Variants in DRD3 observed in about 807,000 individuals in gnomAD.
The protein encoded by DRD3 is dopamine receptor D3, also known as D(3) dopamine receptor.
DRD3 carries 19 observed loss-of-function variants against 36.3 expected under a neutral mutation model. The observed-to-expected ratio is 0.52, with a 90% CI of 0.36 to 0.77. The LOEUF (loss-of-function observed/expected upper bound fraction) is 0.77. DRD3 is among the 30% of genes least tolerant of loss of function. The pLI is 0.00. For synonymous variants in DRD3, 195 were observed against 203.7 expected (o/e 0.96, Z 0.36); for missense variants, 465 against 505.3 (o/e 0.92, Z 0.77).
Position 114,158,332 on chromosome 3 carries a change from A to G in DRD3, c.383+1423T>C, listed in dbSNP as rs75512569. Among the ~76,000 whole-genome samples the G allele has an allele frequency of 6.9e-3, 1,050 of 152,206 alleles. 11 individuals carry two copies. The highest frequency in any genetic ancestry group is 0.011 in the Non-Finnish European group (716 of 68,012). On this transcript the variant is annotated intron_variant, in intron 3 of 6. Coordinates refer to ENST00000383673, the MANE Select transcript of DRD3 (RefSeq NM_000796.6). ...ACATTGAATTACACACTTTGAGTGG[A>G]TGAATTGTGTGGTATGTGAGTTATA...
chr3:114,145,724 A>G (rs185728859), intron 4 of DRD3, among the ~76,000 whole-genome samples: 1 of 152,334 alleles, frequency 6.6e-6, no homozygotes, highest in East Asian at 1.9e-4. Context: ...GAAAATCTGA[A>G]TCACATGTAA....
At position 114,136,320 on chromosome 3, in the gene DRD3, A is replaced by AT. The variant is rs1256596135; in HGVS notation, c.723+3179dup. ...AATTCAGTCCTATAGTAGGAAAATGATTCTTCCAAGATTATATATTGGTGA... is the reference window on the plus strand; with the variant it reads ...AATTCAGTCCTATAGTAGGAAAATGATTTCTTCCAAGATTATATATTGGTGA... On this transcript the variant is annotated intron_variant, in intron 5 of 6. Coordinates refer to ENST00000383673, the MANE Select transcript of DRD3 (RefSeq NM_000796.6). Among the ~76,000 whole-genome samples, 5 of 152,262 alleles carry AT rather than the reference A, an allele frequency of 3.3e-5. No individual in the cohort carries two copies. The East Asian group carries it at 9.6e-4, about 29-fold the overall frequency.
At chr3:114,161,900 T>C (rs554166843) in intron 2 of DRD3, among the ~76,000 whole-genome samples, 76 of 152,340 alleles carry the variant, frequency 5.0e-4, no homozygotes, top group African/African-American at 1.8e-3. Context: ...ATGTTTTAAA[T>C]TGGGTAAAAA....
upstream of DRD3, among the ~76,000 whole-genome samples, chr3:114,182,525 C>T (rs2077953573): frequency 1.3e-5 from 2 of 152,008 alleles, no homozygotes; most frequent in Admixed American, 1.3e-4. Flanking sequence ...TTGCATGTTA[C>T]CTCCCTTTTC....
intron 1 of DRD3, chr3:114,176,017 C>A (rs183193422): frequency 2.0e-5 from 3 of 152,104 alleles, no homozygotes; most frequent in Non-Finnish European, 2.9e-5. Flanking sequence ...GAGTGCATAA[C>A]CTATTTAAAA....
intron 1 of DRD3, chr3:114,175,865 G>T (rs946977835): frequency 3.3e-5 from 5 of 152,200 alleles, no homozygotes; most frequent in African/African-American, 1.2e-4. Flanking sequence ...AGAAGGCAGA[G>T]AAATAGAAGA....
At chr3:114,149,423 C>T (rs1559987645) in intron 3 of DRD3, among the ~76,000 whole-genome samples, 1 of 152,178 alleles carries the variant, frequency 6.6e-6, no homozygotes, top group Non-Finnish European at 1.5e-5. Flanking sequence ...ACAGCCTCCT[C>T]GTTGGTCTCC....
chr3:114,183,320 T>G (rs1487611557), upstream of DRD3, among the ~76,000 whole-genome samples: 1 of 152,248 alleles, frequency 6.6e-6, no homozygotes, highest in East Asian at 1.9e-4. Context: ...TAAAATCTAT[T>G]GAGACACAAT....
intron 3 of DRD3, among the ~76,000 whole-genome samples, chr3:114,151,827 G>A (rs1467590957): frequency 6.6e-6 from 1 of 152,206 alleles, no homozygotes; most frequent in East Asian, 1.9e-4. Flanking sequence ...CGAGGGCATC[G>A]ACAGCTCTCT....
At chr3:114,158,567 T>C (rs560943735) in intron 3 of DRD3, among the ~76,000 whole-genome samples, 1 of 152,354 alleles carries the variant, frequency 6.6e-6, no homozygotes, top group South Asian at 2.1e-4. Flanking sequence ...CCTGTGACCT[T>C]CCCTGCTGTG....
intron 1 of DRD3, among the ~76,000 whole-genome samples, chr3:114,185,202 A>G (rs1414490047): frequency 6.6e-6 from 1 of 152,064 alleles, no homozygotes; most frequent in East Asian, 1.9e-4. Context: ...CTTACCCTTT[A>G]TCTAGCCCTT....
upstream of DRD3, among the ~76,000 whole-genome samples, chr3:114,181,022 T>G (rs2077945091): frequency 6.6e-6 from 1 of 152,218 alleles, no homozygotes; most frequent in Admixed American, 6.5e-5. Context: ...ACATTGTGCC[T>G]AATGATAATG....
At chr3:114,144,279 G>C (rs1171876878) in intron 4 of DRD3, among the ~76,000 whole-genome samples, 1 of 152,208 alleles carries the variant, frequency 6.6e-6, no homozygotes, top group African/African-American at 2.4e-5. Context: ...TAAAAGAAGA[G>C]CTCTGCCAGA....
chr3:114,176,639 G>A (rs561577635), intron 1 of DRD3, among the ~76,000 whole-genome samples: 19 of 151,902 alleles, frequency 1.3e-4, no homozygotes, highest in Admixed American at 9.2e-4. Flanking sequence ...TGTCATTCCC[G>A]AGTTGAGATG....
rs370268958 is a variant in DRD3 at position 114,130,064 on chromosome 3, G to A, written c.1006+1054C>T. Among the ~76,000 whole-genome samples the A allele has an allele frequency of 7.9e-5, 12 of 152,094 alleles. No homozygotes were observed. The East Asian group carries it at 2.3e-3, about 29-fold the overall frequency. On this transcript the variant is annotated intron_variant, in intron 6 of 6. Transcript: ENST00000383673. ...TGAGTTTGAGACCAGCCTGGGCAAC[G>A]TAATGAGACCCTGTCACTACAAAAA...
chr3:114,154,191 G>A (rs1360874864), intron 3 of DRD3, among the ~76,000 whole-genome samples: 1 of 152,146 alleles, frequency 6.6e-6, no homozygotes, highest in Non-Finnish European at 1.5e-5. Context: ...CTGACTTCTG[G>A]TTCTATGAGC....
At chr3:114,162,054 A>G (rs905575201) in intron 2 of DRD3, among the ~76,000 whole-genome samples, 7 of 152,218 alleles carry the variant, frequency 4.6e-5, no homozygotes, top group Non-Finnish European at 1.0e-4. Context: ...ATACTTGTGA[A>G]GCTCTTAGTA....
chr3:114,166,672 G>A (rs1480619721), intron 2 of DRD3, among the ~76,000 whole-genome samples: 2 of 152,156 alleles, frequency 1.3e-5, no homozygotes, highest in Non-Finnish European at 2.9e-5. Context: ...GCACAAAATG[G>A]ATTAACACAC....
rs324030 is a variant in DRD3 at position 114,162,594 on chromosome 3, G to T, written c.271-2727C>A. Among the ~76,000 whole-genome samples, 4 of 152,054 alleles carry T rather than the reference G, an allele frequency of 2.6e-5. No homozygotes were observed. In the East Asian group the frequency reaches 7.7e-4, roughly 29 times the overall value. On this transcript the variant is annotated intron_variant, in intron 2 of 6. Transcript: ENST00000383673. ...GTTCTGCAAAGCACTTTACATACGT[G>T]GCCTCTATTGCCGATTATAATTCTA... is the stretch of plus-strand genomic sequence containing the variant.
Sources: gnomAD v4.1 joint callset for allele counts (sites outside exome capture counted in the v4.1 genomes callset) on GRCh38, gnomAD v4.1.1 for gene constraint, MANE v1.5 for transcripts, NCBI Gene and HGNC (gene_info 2026-07-23, HGNC 2026-07-21) for gene names.